NEU3: variants seen among roughly 807,000 people sequenced by gnomAD.
NEU3 encodes sialidase-3.
In NEU3, 10 loss-of-function variants were observed where a neutral mutation model predicts 11.4. The observed-to-expected ratio is 0.88, with a 90% confidence interval of 0.54 to 1.49. The LOEUF (loss-of-function observed/expected upper bound fraction) is 1.49. Among genes scored for constraint, NEU3 ranks in the 40% most tolerant of loss-of-function variants. The probability of loss-of-function intolerance (pLI) is 0.00; values close to 1 mark genes in which losing one functional copy is unlikely to be tolerated. For synonymous variants in NEU3, 212 were observed against 228.2 expected (o/e 0.93, Z 0.64); for missense variants, 529 against 581.8 (o/e 0.91, Z 0.93).
chr11:75,020,496 C>G (rs1001424926), downstream of NEU3, among the ~76,000 whole-genome samples: 1 of 152,104 alleles, frequency 6.6e-6, no homozygotes, highest in African/African-American at 2.4e-5. Context: ...CTCTCATGAT[C>G]GTGAACAAGT....
At chr11:75,014,821 G>A (rs1282546794), downstream of NEU3, among the ~76,000 whole-genome samples, 4 of 152,008 alleles carry the variant, frequency 2.6e-5, no homozygotes, top group South Asian at 2.1e-4. Flanking sequence ...AGCTGTGATT[G>A]CGCCATTGCA....
intron 2 of NEU3, among the ~76,000 whole-genome samples, chr11:74,997,584 G>A (rs548473713): frequency 2.3e-4 from 34 of 150,926 alleles, no homozygotes; most frequent in South Asian, 1.0e-3. Context: ...GGTGGCTCAC[G>A]CCTGTAATCC....
At position 74,994,607 on chromosome 11, in the gene NEU3, A is replaced by C; in HGVS notation, c.193A>C (p.Ile65Leu). Residue 65 changes from isoleucine (I) to leucine (L), a missense_variant, in exon 2 of 3, where the codon ATA becomes CTA. Transcript: ENST00000294064. ...CTACCGGATCCCAGCCCTGCTCTACATACCCCCCACCCACACCTTCCTGGC... is the reference window on the plus strand; with the variant it reads ...CTACCGGATCCCAGCCCTGCTCTACCTACCCCCCACCCACACCTTCCTGGC... ...ITYRIPALLY[I>L]PPTHTFLAFA... is the part of the protein sequence containing the mutation. 3 of 1,613,910 alleles carry C rather than the reference A, an allele frequency of 1.9e-6. No homozygotes were observed. Among genetic ancestry groups the C allele is most frequent in the African/African-American group, 1.3e-5 (1 of 75,014 alleles).
chr11:75,006,612 T>C lies in NEU3; in HGVS notation c.*120T>C. ...TTCTGTTCCCTACCTTTTTTCACTT[T>C]TCCTCCTCCAAAGAGCAAAATGAAA... On this transcript the variant is annotated 3_prime_UTR_variant, in exon 3 of 3. Transcript: ENST00000294064. 8.0e-7 allele frequency: 1 copy of C among 1,255,308 alleles called. No individual in the cohort carries two copies. Among genetic ancestry groups the C allele is most frequent in the Non-Finnish European group, 1.1e-6 (1 of 934,184 alleles). 77.8% of individuals were successfully genotyped at this position (1,255,308 alleles called of 1,614,324 possible). A position where few individuals can be genotyped will look rare whatever the true frequency, so the allele number is the denominator to read the frequency against.
At chr11:74,999,884 T>C (rs1370212506) in intron 2 of NEU3, among the ~76,000 whole-genome samples, 4 of 152,218 alleles carry the variant, frequency 2.6e-5, no homozygotes, top group Non-Finnish European at 4.4e-5. Flanking sequence ...CTCTGAGTAG[T>C]CTGTTTTCTG....
chr11:74,989,858 T>G, intron 1 of NEU3: 1 of 653,070 alleles, frequency 1.5e-6, no homozygotes, highest in Non-Finnish European at 2.8e-6. Flanking sequence ...GGGAAGGACT[T>G]GATGGGAAAG....
downstream of NEU3, among the ~76,000 whole-genome samples, chr11:75,012,252 C>G (rs1297019413): frequency 1.3e-5 from 2 of 152,198 alleles, no homozygotes; most frequent in African/African-American, 4.8e-5. Flanking sequence ...TTCTGACCAT[C>G]AGGAACCTCA....
At chr11:74,997,718 C>T (rs1223379878) in intron 2 of NEU3, among the ~76,000 whole-genome samples, 2 of 138,348 alleles carry the variant, frequency 1.4e-5, no homozygotes, top group East Asian at 4.2e-4. Context: ...AAAAAATTAG[C>T]CGGGCATGGT....
Position 75,010,522 on chromosome 11 carries a change from T to C in NEU3, c.*4030T>C, listed in dbSNP as rs962737046. The C allele has an allele frequency of 3.3e-5, 5 of 152,210 alleles. No individual in the cohort carries two copies. Among genetic ancestry groups the C allele is most frequent in the African/African-American group, 1.2e-4 (5 of 41,450 alleles). The allele number at this position is 152,210 out of a possible 1,614,324, so 9.4% of individuals were successfully genotyped here. On this transcript the variant is annotated 3_prime_UTR_variant, in exon 3 of 3. Transcript: ENST00000294064. ...GAACACTCACCCTCAATGTATATTC[T>C]CTGTTCTGGCCTGCTTCAAGGTCAG...
chr11:74,994,921 G>A (rs1948773271), intron 2 of NEU3: 1 of 690,500 alleles, frequency 1.4e-6, no homozygotes, highest in Non-Finnish European at 2.6e-6. Flanking sequence ...GCCATTCTGT[G>A]TCGTAGGTAC....
chr11:75,006,001 C>T lies in NEU3; in HGVS notation c.895C>T (p.Leu299=). The T allele has an allele frequency of 6.2e-7, 1 of 1,613,992 alleles. No individual in the cohort carries two copies. ...TGACCATGGTGAAGGCTTTCAGAGA[C>T]TGGCCCTGAGTCGACAGCTCTGTGA... The part of the protein sequence containing the change: ...STDHGEGFQR[L]ALSRQLCEPP... Residue 299 remains leucine, a synonymous_variant, in exon 3 of 3, where the codon CTG becomes TTG. Coordinates refer to ENST00000294064, the MANE Select transcript of NEU3 (RefSeq NM_006656.6).
upstream of NEU3, among the ~76,000 whole-genome samples, chr11:74,987,886 CTT>C (rs1256896551): frequency 1.2e-5 from 1 of 83,258 alleles, no homozygotes; most frequent in Non-Finnish European, 2.2e-5. Context: ...GGTTCTAGGC[CTT>C]TTTTTTTTTC....
rs907406411 is a variant in NEU3 at position 75,010,893 on chromosome 11, A to C, written c.*4401A>C. 1.3e-5 allele frequency: 2 copies of C among 151,896 alleles called. No individual in the cohort carries two copies. The highest frequency in any genetic ancestry group is 2.9e-5 in the Non-Finnish European group (2 of 68,000). 9.4% of individuals were successfully genotyped at this position (151,896 alleles called of 1,614,324 possible). A position where few individuals can be genotyped will look rare whatever the true frequency, so the allele number is the denominator to read the frequency against. On this transcript the variant is annotated 3_prime_UTR_variant, in exon 3 of 3. Coordinates refer to ENST00000294064, the MANE Select transcript of NEU3 (RefSeq NM_006656.6). ...TTGAAACAACAAAGAGGAATAAAGA[A>C]CTTAATTCTGGTGACTATTGTTTTT...
At chr11:74,982,441 A>G in the NEU3 span, among the ~76,000 whole-genome samples, 1 of 152,152 alleles carries the variant, frequency 6.6e-6, no homozygotes, top group Non-Finnish European at 1.5e-5. Flanking sequence ...AAGGAAGAAA[A>G]TACATGCAGG....
At position 75,006,220 on chromosome 11, in the gene NEU3, CAG is replaced by C. The variant is rs757296217; in HGVS notation, c.1117_1118del (p.Arg373GlyfsTer2). 2.5e-6 allele frequency: 4 copies of C among 1,614,012 alleles called. No homozygotes were observed. Among genetic ancestry groups the C allele is most frequent in the South Asian group, 1.1e-5 (1 of 91,088 alleles). ...LLYSHPTSRK[Q>X]RVDLGIYLNQ... is the part of the protein sequence containing the mutation. ...GTACTCACACCCAACCAGTAGGAAA[CAG>C]AGGGTTGACCTAGGTATCTATCTCA... On this transcript the variant is annotated frameshift_variant, in exon 3 of 3. Transcript: ENST00000294064. LOFTEE classifies it high-confidence loss of function.
upstream of NEU3, among the ~76,000 whole-genome samples, chr11:74,984,088 G>A (rs1171052358): frequency 6.6e-6 from 1 of 152,178 alleles, no homozygotes; most frequent in Admixed American, 6.5e-5. Flanking sequence ...AGAGTGACAG[G>A]TGGAGTGGCA....
At chr11:74,990,291 A>T (rs1948715824) in intron 1 of NEU3, 1 of 407,486 alleles carries the variant, frequency 2.5e-6, no homozygotes, top group Middle Eastern at 6.9e-4. Context: ...AATGGAGCTG[A>T]GACTTGAATC....
chr11:74,997,621 G>A (rs756406793), intron 2 of NEU3, among the ~76,000 whole-genome samples: 25 of 150,874 alleles, frequency 1.7e-4, no homozygotes, highest in Non-Finnish European at 3.4e-4. Flanking sequence ...CAAGGTAGGC[G>A]GATCACGAGG....
Position 75,005,406 on chromosome 11 carries a change from T to A in NEU3, c.307-7T>A. 6.3e-7 allele frequency: 1 copy of A among 1,589,608 alleles called. No homozygotes were observed. The highest frequency in any genetic ancestry group is 8.6e-7 in the Non-Finnish European group (1 of 1,166,788). On this transcript the variant is annotated splice_polypyrimidine_tract_variant and splice_region_variant and intron_variant, in intron 2 of 2. Transcript: ENST00000294064. ...TCACTCCTACTTTCTCCCTTCTCCTTGTCTAGTGGGGGCCCCTGAAGCCAC... is the reference window on the plus strand; with the variant it reads ...TCACTCCTACTTTCTCCCTTCTCCTAGTCTAGTGGGGGCCCCTGAAGCCAC...
Sources: allele counts gnomAD v4.1 joint callset (sites outside exome capture counted in the v4.1 genomes callset), GRCh38; gene constraint gnomAD v4.1.1; transcripts MANE v1.5; gene names NCBI Gene and HGNC (gene_info 2026-07-23, HGNC 2026-07-21).